Variants in CAMKMT observed in about 807,000 individuals in gnomAD.
The protein encoded by CAMKMT is calmodulin-lysine N-methyltransferase, also known as CaM KMT.
CAMKMT carries 53 observed loss-of-function variants against 48.0 expected under a neutral mutation model. That is an observed-to-expected ratio of 1.10 (90% confidence interval 0.89 to 1.39). CAMKMT has a LOEUF of 1.39. Among genes scored for constraint, CAMKMT ranks in the 40% most tolerant of loss-of-function variants. The pLI is 0.00. For synonymous variants in CAMKMT, 165 were observed against 152.3 expected (o/e 1.08, Z -0.61); for missense variants, 428 against 402.7 (o/e 1.06, Z -0.54).
chr2:44,623,905 A>G (rs1260474683), intron 3 of CAMKMT, among the ~76,000 whole-genome samples: 2 of 152,170 alleles, frequency 1.3e-5, no homozygotes, highest in African/African-American at 2.4e-5. Flanking sequence ...GTAATATTTT[A>G]TGGATGCCTT....
chr2:44,651,142 T>C (rs985411821), intron 3 of CAMKMT, among the ~76,000 whole-genome samples: 2 of 152,242 alleles, frequency 1.3e-5, no homozygotes, highest in Non-Finnish European at 2.9e-5. Flanking sequence ...TCCAGAGCTA[T>C]AAAATGTTCA....
intron 7 of CAMKMT, among the ~76,000 whole-genome samples, chr2:44,742,870 T>C (rs1434839084): frequency 6.6e-6 from 1 of 152,196 alleles, no homozygotes; most frequent in Admixed American, 6.5e-5. Flanking sequence ...AATTTTACTT[T>C]GAAAAATAGT....
Position 44,410,231 on chromosome 2 carries a change from G to GTATATATATATAGTCTATAGAC in CAMKMT, c.376+19938_376+19939insGTCTATAGACTATATATATATA, listed in dbSNP as rs1558589089. ...AACTTAAGTAATTAGTCAGGTATCA[G>GTATATATATATAGTCTATAGAC]TATATATATATATATATTTTTTTTT... On this transcript the variant is annotated intron_variant, in intron 3 of 10. Transcript: ENST00000378494. Among the ~76,000 whole-genome samples the GTATATATATATAGTCTATAGAC allele has an allele frequency of 7.8e-4, 16 of 20,442 alleles. 6 individuals are homozygous for GTATATATATATAGTCTATAGAC. Among genetic ancestry groups the GTATATATATATAGTCTATAGAC allele is most frequent in the Non-Finnish European group, 1.2e-3 (10 of 8,672 alleles). 13.4% of individuals were successfully genotyped at this position (20,442 alleles called of 152,430 possible). A position where few individuals can be genotyped will look rare whatever the true frequency, so the allele number is the denominator to read the frequency against.
At chr2:44,590,715 C>G (rs1279984271) in intron 3 of CAMKMT, among the ~76,000 whole-genome samples, 2 of 152,154 alleles carry the variant, frequency 1.3e-5, no homozygotes, top group Non-Finnish European at 2.9e-5. Flanking sequence ...CCTGTTCACT[C>G]TGATGGTAGT....
chr2:44,465,322 A>G (rs1668055000), intron 3 of CAMKMT, among the ~76,000 whole-genome samples: 1 of 152,102 alleles, frequency 6.6e-6, no homozygotes, highest in Admixed American at 6.6e-5. Flanking sequence ...AACAGGCTGG[A>G]CGCAGTAGAT....
At chr2:44,362,900 G>A (rs1347431489) in intron 1 of CAMKMT, among the ~76,000 whole-genome samples, 2 of 152,198 alleles carry the variant, frequency 1.3e-5, no homozygotes, top group Non-Finnish European at 2.9e-5. Context: ...ACTTCTTGAA[G>A]TGAAGTCTGG....
intron 1 of CAMKMT, 80 bp from the exon 2 acceptor site, chr2:44,372,636 C>A: frequency 1.5e-6 from 2 of 1,317,662 alleles, no homozygotes; most frequent in Non-Finnish European, 2.1e-6. Flanking sequence ...CCCCTTACCA[C>A]TTAAATTTTG....
chr2:44,509,335 G>A (rs1490037318), intron 3 of CAMKMT, among the ~76,000 whole-genome samples: 1 of 151,864 alleles, frequency 6.6e-6, no homozygotes, highest in Admixed American at 6.6e-5. Context: ...TTTGTTTTGA[G>A]TCAGGGTCTC....
At chr2:44,605,639 T>C (rs927078642) in intron 3 of CAMKMT, among the ~76,000 whole-genome samples, 12 of 152,070 alleles carry the variant, frequency 7.9e-5, no homozygotes, top group South Asian at 2.1e-4. Context: ...GCCTTGGAGG[T>C]CATTTATTTC....
At position 44,519,282 on chromosome 2, in the gene CAMKMT, TAAAC is replaced by T. The variant is rs1670981633; in HGVS notation, c.376+128983_376+128986del. ...CTTTTTCCCTCTATACATGTGTTTA[TAAAC>T]AAACAGTGACATAAACTTTTCCATT... is the stretch of plus-strand genomic sequence containing the variant. On this transcript the variant is annotated intron_variant, in intron 3 of 10. Coordinates refer to ENST00000378494, the MANE Select transcript of CAMKMT (RefSeq NM_024766.5). Among the ~76,000 whole-genome samples, 6 of 152,362 alleles carry T rather than the reference TAAAC, an allele frequency of 3.9e-5. 1 individual carries two copies. The highest frequency in any genetic ancestry group is 1.2e-4 in the African/African-American group (5 of 41,596).
rs187027433 is a variant in CAMKMT, at chr2:44,719,148, C to T, written c.623+3795C>T. On this transcript the variant is annotated intron_variant, in intron 7 of 10. Transcript: ENST00000378494. ...TGGTTACCCTGGACCCCTCACTTGCCTCCGACAGATATGATCTCTCCATCT... is the reference window on the plus strand; with the variant it reads ...TGGTTACCCTGGACCCCTCACTTGCTTCCGACAGATATGATCTCTCCATCT... 6.1e-3 allele frequency among the ~76,000 whole-genome samples: 925 copies of T among 152,246 alleles called. 13 individuals carry two copies. The highest frequency in any genetic ancestry group is 0.021 in the African/African-American group (887 of 41,540).
intron 3 of CAMKMT, among the ~76,000 whole-genome samples, chr2:44,544,481 C>T (rs945912089): frequency 2.6e-5 from 4 of 152,198 alleles, no homozygotes; most frequent in Non-Finnish European, 4.4e-5. Context: ...ATTTCTCTTG[C>T]TGTTTAGTCA....
intron 3 of CAMKMT, among the ~76,000 whole-genome samples, chr2:44,464,650 A>G (rs1279524256): frequency 6.6e-6 from 1 of 152,206 alleles, no homozygotes; most frequent in Non-Finnish European, 1.5e-5. Context: ...CAGAAATGTT[A>G]CAGGTCAGAA....
At chr2:44,728,749 T>A (rs1678923400) in intron 7 of CAMKMT, among the ~76,000 whole-genome samples, 1 of 152,052 alleles carries the variant, frequency 6.6e-6, no homozygotes, top group Non-Finnish European at 1.5e-5. Context: ...TTCTGTGGCA[T>A]CAGTTGTAAT....
intron 3 of CAMKMT, among the ~76,000 whole-genome samples, chr2:44,535,540 A>G (rs1382122241): frequency 2.0e-5 from 3 of 152,238 alleles, no homozygotes; most frequent in African/African-American, 7.2e-5. Context: ...ATAATACACC[A>G]TGATCAAGTG....
chr2:44,514,410 T>C (rs897644510), intron 3 of CAMKMT, among the ~76,000 whole-genome samples: 4 of 152,120 alleles, frequency 2.6e-5, no homozygotes, highest in African/African-American at 9.7e-5. Flanking sequence ...TGGCCCAGAG[T>C]GTCTCGAGTT....
At chr2:44,637,886 G>GA (rs1207724144) in intron 3 of CAMKMT, among the ~76,000 whole-genome samples, 1 of 151,902 alleles carries the variant, frequency 6.6e-6, no homozygotes, top group Non-Finnish European at 1.5e-5. Context: ...CCAACATGGT[G>GA]AAACCCCATC....
At chr2:44,549,741 A>G (rs932624255) in intron 3 of CAMKMT, 23 of 495,378 alleles carry the variant, frequency 4.6e-5, no homozygotes, top group Admixed American at 1.1e-4. Flanking sequence ...AAGTAAGCCT[A>G]TGTCCTACAT....
intron 3 of CAMKMT, among the ~76,000 whole-genome samples, chr2:44,404,445 C>G (rs1008769556): frequency 6.6e-6 from 1 of 151,906 alleles, no homozygotes; most frequent in African/African-American, 2.4e-5. Flanking sequence ...CGATATTTTC[C>G]CCTCCAGATA....
Sources: gnomAD v4.1 joint callset for allele counts (sites outside exome capture counted in the v4.1 genomes callset) on GRCh38, gnomAD v4.1.1 for gene constraint, MANE v1.5 for transcripts, NCBI Gene and HGNC (gene_info 2026-07-23, HGNC 2026-07-21) for gene names.